DBF4: variants seen among roughly 807,000 people sequenced by gnomAD.
DBF4 encodes the protein protein DBF4 homolog A.
In DBF4, 25 loss-of-function variants were observed where a neutral mutation model predicts 76.6. The observed-to-expected ratio is 0.33, with a 90% CI of 0.24 to 0.46. The LOEUF (loss-of-function observed/expected upper bound fraction) is 0.46, where lower values mean the gene tolerates loss of function less well. Among genes scored for constraint, DBF4 ranks in the 20% least tolerant of loss-of-function variants. DBF4 has a pLI of 1.00. For synonymous variants in DBF4, 213 were observed against 258.0 expected, an observed-to-expected ratio of 0.83 and a Z score of 1.67; for missense variants, 638 against 760.8, an observed-to-expected ratio of 0.84 and a Z score of 1.90.
At chr7:87,882,075 T>C (rs1839228671) in intron 2 of DBF4, among the ~76,000 whole-genome samples, 2 of 152,186 alleles carry the variant, frequency 1.3e-5, no homozygotes, top group Non-Finnish European at 2.9e-5. Flanking sequence ...CTAAGGAGTT[T>C]TAACTATGTA....
At chr7:87,878,710 A>T (rs897624520) in intron 2 of DBF4, among the ~76,000 whole-genome samples, 1 of 152,236 alleles carries the variant, frequency 6.6e-6, no homozygotes, top group Non-Finnish European at 1.5e-5. Flanking sequence ...AATCTGGAAT[A>T]CCTTCTTTCC....
chr7:87,876,547 G>A lies in DBF4; in HGVS notation c.-186G>A. 1 of 624,690 alleles carries A rather than the reference G, an allele frequency of 1.6e-6. No homozygotes were observed. Among genetic ancestry groups the A allele is most frequent in the Non-Finnish European group, 2.8e-6 (1 of 353,556 alleles). The allele number at this position is 624,690 out of a possible 1,614,324, so 38.7% of individuals were successfully genotyped here. On this transcript the variant is annotated 5_prime_UTR_variant, in exon 1 of 12. Coordinates refer to ENST00000265728, the MANE Select transcript of DBF4 (RefSeq NM_006716.4). ...TGTGCTTTGCGCCTTCCTCCTCCGC[G>A]CCTTGGAGCCGGATCCGGCCCCGGA... is the stretch of plus-strand genomic sequence containing the variant.
rs1234076675 is a variant in DBF4 at position 87,876,518 on chromosome 7, C to G, written c.-215C>G. The G allele has an allele frequency of 5.1e-6, 3 of 588,160 alleles. No homozygotes were observed. Among genetic ancestry groups the G allele is most frequent in the Non-Finnish European group, 9.1e-6 (3 of 328,822 alleles). 36.4% of individuals were successfully genotyped at this position (588,160 alleles called of 1,614,324 possible). ...AAATCTTCAACCGCCGCAGCCCACT[C>G]GTTTGTGCTTTGCGCCTTCCTCCTC... On this transcript the variant is annotated 5_prime_UTR_variant, in exon 1 of 12. Transcript: ENST00000265728.
chr7:87,879,006 G>A (rs564417599), intron 2 of DBF4, among the ~76,000 whole-genome samples: 14 of 152,132 alleles, frequency 9.2e-5, no homozygotes, highest in African/African-American at 2.7e-4. Context: ...GCAGTGGTGC[G>A]ATCTCAGCTC....
intron 1 of DBF4, among the ~76,000 whole-genome samples, chr7:87,877,453 C>T (rs1357916017): frequency 1.3e-5 from 2 of 152,124 alleles, no homozygotes. Context: ...ATTTTTAAAG[C>T]AGTTGCTTGG....
intron 11 of DBF4, among the ~76,000 whole-genome samples, chr7:87,906,574 C>T (rs1839921237): frequency 1.3e-5 from 2 of 151,914 alleles, no homozygotes; most frequent in Non-Finnish European, 2.9e-5. Flanking sequence ...CAAGATGCTC[C>T]ATGAAGAAAA....
chr7:87,899,951 T>C (rs975810329), intron 8 of DBF4, among the ~76,000 whole-genome samples: 4 of 152,146 alleles, frequency 2.6e-5, no homozygotes, highest in Non-Finnish European at 2.9e-5. Context: ...ACGGTAGCAG[T>C]GATGGTACCA....
intron 11 of DBF4, among the ~76,000 whole-genome samples, chr7:87,906,640 A>C (rs930410636): frequency 6.6e-6 from 1 of 152,164 alleles, no homozygotes; most frequent in African/African-American, 2.4e-5. Context: ...TCACCTTTGA[A>C]AGTATAAAGA....
Position 87,907,387 on chromosome 7 carries a change from C to T in DBF4, c.1249C>T (p.Pro417Ser), listed in dbSNP as rs1355940054. ...GCTCCTGTTTATTTCAGAGCCCATCCCCCACCCTTCAAATGAATTGAGAGG... is the reference window on the plus strand; with the variant it reads ...GCTCCTGTTTATTTCAGAGCCCATCTCCCACCCTTCAAATGAATTGAGAGG... ...KKLLFISEPI[P>S]HPSNELRGLN... The change falls in exon 12 of 12, where the codon CCC becomes TCC. Residue 417 changes from proline (P) to serine (S), a missense_variant. Coordinates refer to ENST00000265728, the MANE Select transcript of DBF4 (RefSeq NM_006716.4). The T allele has an allele frequency of 3.1e-6, 5 of 1,613,866 alleles. No homozygotes were observed. In the African/African-American group the frequency reaches 4.0e-5, roughly 13 times the overall value.
intron 10 of DBF4, 117 bp downstream of exon 10, chr7:87,900,995 A>G (rs1839770370): frequency 4.9e-6 from 4 of 823,002 alleles, no homozygotes; most frequent in Non-Finnish European, 7.7e-6. Flanking sequence ...AAGGGAGGAA[A>G]TGAGTATTGA....
At chr7:87,876,891 C>G (rs1477618265) in intron 1 of DBF4, 113 bp downstream of exon 1, 2 of 1,202,990 alleles carry the variant, frequency 1.7e-6, no homozygotes, top group Admixed American at 4.0e-5. Flanking sequence ...TTCTTCTGAC[C>G]GGCCTCTGGG....
At chr7:87,888,121 A>G in intron 6 of DBF4, 62 bp downstream of exon 6, 1 of 1,491,676 alleles carries the variant, frequency 6.7e-7, no homozygotes, top group Non-Finnish European at 8.9e-7. Flanking sequence ...ACGTATTTGC[A>G]AAGTTTTCCT....
At chr7:87,887,540 A>T (rs555351811) in intron 5 of DBF4, 142 bp downstream of exon 5, 2 of 1,000,996 alleles carry the variant, frequency 2.0e-6, no homozygotes, top group Non-Finnish European at 2.8e-6. Context: ...AATACCTGAA[A>T]CTGGGTAATG....
intron 6 of DBF4, among the ~76,000 whole-genome samples, chr7:87,893,554 C>G (rs1839550784): frequency 6.6e-6 from 1 of 152,210 alleles, no homozygotes; most frequent in Non-Finnish European, 1.5e-5. Flanking sequence ...CTTCTTATGT[C>G]TTCCTGGTGA....
Position 87,900,868 on chromosome 7 carries a change from A to G in DBF4, c.914A>G (p.Asp305Gly). The G allele has an allele frequency of 6.2e-7, 1 of 1,611,470 alleles. No homozygotes were observed. The highest frequency in any genetic ancestry group is 8.5e-7 in the Non-Finnish European group (1 of 1,178,570). Residue 305 changes from aspartate to glycine, a missense_variant, in exon 10 of 12, where the codon GAT becomes GGT. Coordinates refer to ENST00000265728, the MANE Select transcript of DBF4 (RefSeq NM_006716.4). ...GAATGTTGCTTGCAGAAATATGAAG[A>G]TCTAGAAACTGTAAATGTGATTTTA... Reference protein sequence around the residue: ...YCECCLQKYEDLETHLLSEQH... With the variant: ...YCECCLQKYEGLETHLLSEQH...
intron 6 of DBF4, among the ~76,000 whole-genome samples, chr7:87,891,703 T>C (rs1245429617): frequency 1.3e-5 from 2 of 152,192 alleles, no homozygotes; most frequent in African/African-American, 2.4e-5. Flanking sequence ...TTACCAGTTA[T>C]TAATATTTTC....
At chr7:87,901,954 T>G (rs935780484) in intron 10 of DBF4, among the ~76,000 whole-genome samples, 1 of 152,220 alleles carries the variant, frequency 6.6e-6, no homozygotes, top group African/African-American at 2.4e-5. Context: ...TATTAGTGTT[T>G]TGTGTCAGTT....
chr7:87,898,814 A>G (rs1224012915), intron 8 of DBF4, among the ~76,000 whole-genome samples: 1 of 151,822 alleles, frequency 6.6e-6, no homozygotes, highest in Non-Finnish European at 1.5e-5. Context: ...AAAAAGAACA[A>G]CAAAGTAAGA....
At chr7:87,878,350 A>G (rs1459715572) in intron 2 of DBF4, 125 bp downstream of exon 2, 3 of 752,134 alleles carry the variant, frequency 4.0e-6, no homozygotes, top group Non-Finnish European at 6.3e-6. Flanking sequence ...CATTTTTATC[A>G]GCTGTTTATC....
Sources: allele counts gnomAD v4.1 joint callset (sites outside exome capture counted in the v4.1 genomes callset), GRCh38; gene constraint gnomAD v4.1.1; transcripts MANE v1.5; gene names NCBI Gene and HGNC (gene_info 2026-07-23, HGNC 2026-07-21).